Variants in CD163L1 observed in about 807,000 individuals in gnomAD.
The protein encoded by CD163L1 is scavenger receptor cysteine-rich type 1 protein M160.
A neutral mutation model predicts 165.4 loss-of-function variants in CD163L1; 124 were observed. That is an observed-to-expected ratio of 0.75 (90% CI 0.65 to 0.87). The LOEUF is 0.87. Among genes scored for constraint, CD163L1 ranks in the 40% least tolerant of loss-of-function variants. CD163L1 has a pLI of 0.00. For synonymous variants in CD163L1, 585 were observed against 662.2 expected, an observed-to-expected ratio of 0.88 and a Z score of 1.79; for missense variants, 1,525 against 1,799.9, an observed-to-expected ratio of 0.85 and a Z score of 2.76.
At chr12:7,429,631 C>T (rs1216963967) in intron 4 of CD163L1, among the ~76,000 whole-genome samples, 1 of 151,944 alleles carries the variant, frequency 6.6e-6, no homozygotes, top group African/African-American at 2.4e-5. Context: ...TTTCACTTCT[C>T]TTGGTACTAT....
chr12:7,433,496 C>T lies in CD163L1; in HGVS notation c.323G>A (p.Gly108Glu), dbSNP rs75143024. The change falls in exon 3 of 20, where the codon GGA (glycine) becomes GAA (glutamate). Residue 108 changes from glycine to glutamate, a missense_variant. Gly to Glu is a moderately conservative substitution (Grantham distance 98). Transcript: ENST00000313599. ...FRFGQAVTRHGKIWLDDVSCY... is the reference protein window; with the variant it reads ...FRFGQAVTRHEKIWLDDVSCY... ...GGAAACATCATCAAGCCAAATTTTT[C>T]CATGTCTAGTCACGGCTTGTCCAAA... 102 of 1,614,128 alleles carry T rather than the reference C, an allele frequency of 6.3e-5. No homozygotes were observed. The highest frequency in any genetic ancestry group is 8.4e-5 in the Non-Finnish European group (99 of 1,180,018).
chr12:7,351,303 C>T (rs140957761), downstream of CD163L1, among the ~76,000 whole-genome samples: 54 of 152,214 alleles, frequency 3.5e-4, no homozygotes, highest in African/African-American at 1.3e-3. Context: ...GCATCCATAA[C>T]AAAATACCAC....
chr12:7,378,079 ACTG>A (rs1947309427), intron 9 of CD163L1, among the ~76,000 whole-genome samples: 1 of 151,998 alleles, frequency 6.6e-6, no homozygotes, highest in Admixed American at 6.6e-5. Context: ...CCCTCTCTAA[ACTG>A]CTCCTCTTCC....
At chr12:7,321,748 T>G in the CD163L1 span, among the ~76,000 whole-genome samples, 1 of 152,152 alleles carries the variant, frequency 6.6e-6, no homozygotes, top group Admixed American at 6.5e-5. Context: ...AGCTCCAAAG[T>G]CAAACAGGCA....
chr12:7,336,415 A>G, the CD163L1 span, among the ~76,000 whole-genome samples: 1 of 152,160 alleles, frequency 6.6e-6, no homozygotes, highest in Admixed American at 6.5e-5. Context: ...AGGACAAAAA[A>G]CCAAACACCA....
At chr12:7,376,910 C>A (rs966630368) in intron 9 of CD163L1, among the ~76,000 whole-genome samples, 5 of 151,986 alleles carry the variant, frequency 3.3e-5, no homozygotes, top group Admixed American at 2.0e-4. Flanking sequence ...AATAAAAATC[C>A]AGAGAGGTTA....
chr12:7,362,066 C>T (rs750841329), intron 18 of CD163L1, among the ~76,000 whole-genome samples: 11 of 149,810 alleles, frequency 7.3e-5, no homozygotes, highest in Admixed American at 6.7e-4. Flanking sequence ...AGTTCATCTA[C>T]ATTCCATTGT....
rs1216885925 is a variant in CD163L1 at position 7,375,402 on chromosome 12, A to G, written c.2880T>C (p.Val960=). 6.2e-7 allele frequency: 1 copy of G among 1,614,164 alleles called. No homozygotes were observed. The highest frequency in any genetic ancestry group is 1.1e-5 in the South Asian group (1 of 91,072). ...AATGAAACCTGTGTCCCCACACACG[A>G]ACACTTCTTTCTCCAATATATTTTC... The part of the protein sequence containing the change: ...TGGKYIGERS[V]RVWGHRFHCL... The change falls in exon 11 of 20, where the codon GTT becomes GTC. Residue 960 remains valine, a synonymous_variant. Coordinates refer to ENST00000313599, the MANE Select transcript of CD163L1 (RefSeq NM_174941.6).
chr12:7,416,980 T>C (rs1948255122), intron 4 of CD163L1, among the ~76,000 whole-genome samples: 1 of 152,164 alleles, frequency 6.6e-6, no homozygotes, highest in South Asian at 2.1e-4. Flanking sequence ...TTGATGGGGA[T>C]AGCATTGAAT....
At chr12:7,333,573 T>G in the CD163L1 span, among the ~76,000 whole-genome samples, 1 of 151,852 alleles carries the variant, frequency 6.6e-6, no homozygotes, top group East Asian at 1.9e-4. Flanking sequence ...ACATGACAAT[T>G]AAAAGAACTA....
chr12:7,410,940 A>T (rs1373513594), intron 4 of CD163L1, among the ~76,000 whole-genome samples: 2 of 151,196 alleles, frequency 1.3e-5, no homozygotes, highest in African/African-American at 4.8e-5. Context: ...AAGCATTGCC[A>T]TAAACTACAA....
chr12:7,367,441 C>T (rs1379365743), intron 17 of CD163L1, 110 bp from the exon 18 acceptor site: 1 of 579,118 alleles, frequency 1.7e-6, no homozygotes, highest in Non-Finnish European at 3.0e-6. Context: ...AGCTAAAATC[C>T]AATGGCTCTT....
chr12:7,350,361 A>C (rs913497708), downstream of CD163L1, among the ~76,000 whole-genome samples: 1 of 152,206 alleles, frequency 6.6e-6, no homozygotes, highest in Non-Finnish European at 1.5e-5. Flanking sequence ...AACTTTAGAG[A>C]GCATCTTTAG....
downstream of CD163L1, chr12:7,354,846 A>G (rs1275884814): frequency 6.6e-6 from 1 of 152,128 alleles, no homozygotes; most frequent in Non-Finnish European, 1.5e-5. Flanking sequence ...CACCCTCACG[A>G]CATGATTACC....
chr12:7,351,422 G>T (rs891076619), downstream of CD163L1, among the ~76,000 whole-genome samples: 1 of 152,050 alleles, frequency 6.6e-6, no homozygotes, highest in Non-Finnish European at 1.5e-5. Context: ...TTTCTTTCTG[G>T]CTTGCAGACA....
intron 2 of CD163L1, chr12:7,439,670 T>C: frequency 6.2e-7 from 1 of 1,612,826 alleles, no homozygotes; most frequent in South Asian, 1.1e-5. Context: ...ATTTTCTTCC[T>C]AAATTCAAGA....
At chr12:7,435,165 G>A (rs1195956837) in intron 2 of CD163L1, among the ~76,000 whole-genome samples, 1 of 151,686 alleles carries the variant, frequency 6.6e-6, no homozygotes, top group African/African-American at 2.4e-5. Context: ...TGATTAAGGT[G>A]TTTTTTTCAA....
At chr12:7,329,086 C>A in the CD163L1 span, among the ~76,000 whole-genome samples, 2 of 146,624 alleles carry the variant, frequency 1.4e-5, no homozygotes, top group Admixed American at 6.8e-5. Context: ...ATATATATAT[C>A]TGAATGTATA....
intron 4 of CD163L1, among the ~76,000 whole-genome samples, chr12:7,426,466 T>C (rs1463639011): frequency 2.0e-5 from 3 of 151,602 alleles, no homozygotes; most frequent in Non-Finnish European, 4.4e-5. Flanking sequence ...AATAAATAAA[T>C]AAATAAATAA....
Sources: allele counts gnomAD v4.1 joint callset (sites outside exome capture counted in the v4.1 genomes callset), GRCh38; gene constraint gnomAD v4.1.1; transcripts MANE v1.5; gene names NCBI Gene and HGNC (gene_info 2026-07-23, HGNC 2026-07-21).